MOK: variants seen among roughly 807,000 people sequenced by gnomAD.
MOK encodes the protein MOK protein kinase.
A neutral mutation model predicts 54.2 loss-of-function variants in MOK; 59 were observed. The ratio of observed to expected loss-of-function variants is 1.09; its 90% CI spans 0.88 to 1.35. MOK has a LOEUF of 1.35. Among genes scored for constraint, MOK ranks in the 40% most tolerant of loss-of-function variants. The pLI, the probability that MOK is intolerant of heterozygous loss-of-function variation, is 0.00. For missense variants in MOK, 517 were observed against 526.2 expected, an observed-to-expected ratio of 0.98 and a Z score of 0.17; for synonymous variants, 210 against 202.7, an observed-to-expected ratio of 1.04 and a Z score of -0.31.
At chr14:102,264,978 C>G (rs1194159717) in intron 3 of MOK, among the ~76,000 whole-genome samples, 1 of 152,210 alleles carries the variant, frequency 6.6e-6, no homozygotes, top group African/African-American at 2.4e-5. Flanking sequence ...ACAGAGCTGT[C>G]AGGAAGAAGG....
intron 3 of MOK, among the ~76,000 whole-genome samples, chr14:102,264,837 C>T (rs1278021393): frequency 6.6e-6 from 1 of 152,208 alleles, no homozygotes; most frequent in African/African-American, 2.4e-5. Flanking sequence ...AGGCTCCCTC[C>T]GGAGCCACAG....
At chr14:102,278,140 C>A (rs1271877357) in intron 2 of MOK, among the ~76,000 whole-genome samples, 1 of 152,150 alleles carries the variant, frequency 6.6e-6, no homozygotes, top group Non-Finnish European at 1.5e-5. Flanking sequence ...AGATACCAGA[C>A]CTGTCTGCCA....
intron 7 of MOK, among the ~76,000 whole-genome samples, chr14:102,242,431 C>T (rs926224498): frequency 3.3e-5 from 5 of 152,052 alleles, no homozygotes; most frequent in Non-Finnish European, 5.9e-5. Context: ...TATAGCCACA[C>T]CTCATTGCTG....
At chr14:102,267,092 A>C (rs183785481) in intron 2 of MOK, among the ~76,000 whole-genome samples, 12 of 152,368 alleles carry the variant, frequency 7.9e-5, no homozygotes, top group Non-Finnish European at 1.6e-4. Context: ...GGTCACACCT[A>C]ATTGAATAAT....
In MOK at chr14:102,232,262, A is replaced by C. The variant is rs7153005; in HGVS notation, c.866+273T>G. The C allele has an allele frequency of 0.24, 98,466 of 417,630 alleles. 14,356 individuals are homozygous for C. Among genetic ancestry groups the C allele is most frequent in the African/African-American group, 0.52 (25,685 of 49,684 alleles). The allele number at this position is 417,630 out of a possible 1,614,324, so 25.9% of individuals were successfully genotyped here. On this transcript the variant is annotated intron_variant, in intron 9 of 11. Transcript: ENST00000361847. The surrounding 1 kb of genome is among the most constrained non-coding windows in gnomAD (Gnocchi z 5.1). ...CCGCACACCAGGCTCTTCTAGAAGG[A>C]TTACTACCTGTAGCCTTGGCATCAA...
intron 1 of MOK, among the ~76,000 whole-genome samples, chr14:102,301,197 C>T (rs867923346): frequency 2.3e-4 from 35 of 152,174 alleles, no homozygotes; most frequent in Admixed American, 1.5e-3. Context: ...TCCAGGCAAC[C>T]TGAAGAACCA....
rs2068520702 is a variant in MOK at position 102,273,077 on chromosome 14, G to A, written c.123-7165C>T. On this transcript the variant is annotated intron_variant, in intron 2 of 11. Coordinates refer to ENST00000361847, the MANE Select transcript of MOK (RefSeq NM_014226.3). ...CCCAGCTACTTGGGAGGCTGAGGCA[G>A]GAGAATCACTTGAACCCGGGAGGTG... Among the ~76,000 whole-genome samples, 4 of 152,074 alleles carry A rather than the reference G, an allele frequency of 2.6e-5. No homozygotes were observed. The South Asian group carries it at 8.3e-4, about 32-fold the overall frequency.
At chr14:102,219,921 T>C (rs1192451955), downstream of MOK, among the ~76,000 whole-genome samples, 2 of 152,202 alleles carry the variant, frequency 1.3e-5, no homozygotes, top group African/African-American at 4.8e-5. Context: ...AGTGGGACAG[T>C]GGAGGGCATG....
Position 102,235,157 on chromosome 14 carries a change from C to T in MOK, c.591-1368G>A, listed in dbSNP as rs1473525779. 1 of 152,330 alleles carries T rather than the reference C, an allele frequency of 6.6e-6. No individual in the cohort carries two copies. The highest frequency in any genetic ancestry group is 1.5e-5 in the Non-Finnish European group (1 of 68,112). 9.4% of individuals were successfully genotyped at this position (152,330 alleles called of 1,614,324 possible). A position where few individuals can be genotyped will look rare whatever the true frequency, so the allele number is the denominator to read the frequency against. On this transcript the variant is annotated intron_variant, in intron 7 of 11. Coordinates refer to ENST00000361847, the MANE Select transcript of MOK (RefSeq NM_014226.3). The surrounding 1 kb of genome is among the most constrained non-coding windows in gnomAD (Gnocchi z 4.4). ...CGACTCTGAGTCCTCCCCATCTCCA[C>T]CCCTTACTCGTTCTCGAGCCCAACA...
At chr14:102,214,752 AAAG>A in the MOK span, 1 of 979,218 alleles carries the variant, frequency 1.0e-6, no homozygotes, top group Non-Finnish European at 1.2e-6. Flanking sequence ...TAAATTTCAT[AAAG>A]AGCCTTCCTA....
downstream of MOK, among the ~76,000 whole-genome samples, chr14:102,219,868 G>A (rs936816736): frequency 3.3e-5 from 5 of 152,248 alleles, no homozygotes; most frequent in Non-Finnish European, 1.5e-5. Flanking sequence ...CAGGTTTGAG[G>A]GCGGTTGATT....
intron 4 of MOK, among the ~76,000 whole-genome samples, chr14:102,253,950 G>A (rs1049478994): frequency 2.0e-5 from 3 of 150,954 alleles, no homozygotes; most frequent in African/African-American, 7.3e-5. Flanking sequence ...ATAATAGAAA[G>A]TAATTTAAAT....
intron 10 of MOK, 66 bp from the exon 11 acceptor site, chr14:102,229,723 G>A (rs1047500172): frequency 1.2e-5 from 17 of 1,381,986 alleles, no homozygotes; most frequent in Non-Finnish European, 1.7e-5. Flanking sequence ...TAGGAAAAAC[G>A]AAAGAGGCTC....
At chr14:102,250,584 A>AG in intron 7 of MOK, among the ~76,000 whole-genome samples, 1 of 152,282 alleles carries the variant, frequency 6.6e-6, no homozygotes, top group South Asian at 2.1e-4. Context: ...GGTGTGCAGG[A>AG]GGGAGAACAA....
intron 4 of MOK, among the ~76,000 whole-genome samples, chr14:102,259,739 C>A (rs1015261755): frequency 6.6e-6 from 1 of 152,112 alleles, no homozygotes; most frequent in Non-Finnish European, 1.5e-5. Context: ...CCTCATGTTT[C>A]AAATGAGGAT....
At chr14:102,303,325 T>C (rs551239950) in intron 1 of MOK, among the ~76,000 whole-genome samples, 132 of 152,298 alleles carry the variant, frequency 8.7e-4, no homozygotes, top group African/African-American at 3.1e-3. Context: ...ACATTTAAGC[T>C]GAAGCTAATC....
chr14:102,241,135 C>G (rs567890809), intron 7 of MOK, among the ~76,000 whole-genome samples: 2 of 152,220 alleles, frequency 1.3e-5, no homozygotes, highest in Non-Finnish European at 1.5e-5. Context: ...CGGTCCCTCC[C>G]TAGTCTCTGC....
chr14:102,238,531 A>G lies in MOK; in HGVS notation c.591-4742T>C, dbSNP rs2065419965. The G allele has an allele frequency of 1.3e-5, 2 of 152,224 alleles. No individual in the cohort carries two copies. The highest frequency in any genetic ancestry group is 1.5e-5 in the Non-Finnish European group (1 of 68,136). The allele number at this position is 152,224 out of a possible 1,614,324, so 9.4% of individuals were successfully genotyped here. ...ATCTCAAGAGGCAACAGAAAGACCA[A>G]TGGGGCAGCAAAAGAAGCCTCCCTT... On this transcript the variant is annotated intron_variant, in intron 7 of 11. Transcript: ENST00000361847. This position sits in a 1 kb window ranked among gnomAD's most constrained non-coding sequence, Gnocchi z 4.8.
At chr14:102,291,425 T>G (rs551818029) in intron 1 of MOK, among the ~76,000 whole-genome samples, 127 of 152,310 alleles carry the variant, frequency 8.3e-4, no homozygotes, top group African/African-American at 2.8e-3. Flanking sequence ...CTTGAAACTT[T>G]GTGGGAAAAT....
Sources: allele counts gnomAD v4.1 joint callset (sites outside exome capture counted in the v4.1 genomes callset), GRCh38; gene constraint gnomAD v4.1.1; non-coding constraint Gnocchi (gnomAD v3.1); transcripts MANE v1.5; gene names NCBI Gene and HGNC (gene_info 2026-07-23, HGNC 2026-07-21).